Variants in CSMD1 observed in about 807,000 individuals in gnomAD.
CSMD1 encodes CUB and sushi domain-containing protein 1.
CSMD1 carries 213 observed loss-of-function variants against 417.5 expected under a neutral mutation model. That is an observed-to-expected ratio of 0.51 (90% CI 0.46 to 0.57). The LOEUF (loss-of-function observed/expected upper bound fraction) is 0.57. Among genes scored for constraint, CSMD1 ranks in the 20% least tolerant of loss-of-function variants. The pLI, the probability that CSMD1 is intolerant of heterozygous loss-of-function variation, is 0.00. For missense variants in CSMD1, 6,923 were observed against 4,529.7 expected (o/e 1.53, Z -15.17); for synonymous variants, 2,862 against 1,736.8 (o/e 1.65, Z -16.11).
intron 10 of CSMD1, among the ~76,000 whole-genome samples, chr8:3,504,084 A>C (rs1176599409): frequency 6.6e-6 from 1 of 152,144 alleles, no homozygotes; most frequent in African/African-American, 2.4e-5. Context: ...AATAGCAAGA[A>C]AACAGGAATT....
chr8:3,939,875 C>T (rs1055869846), intron 5 of CSMD1, among the ~76,000 whole-genome samples: 19 of 151,878 alleles, frequency 1.3e-4, no homozygotes, highest in African/African-American at 1.7e-4. Flanking sequence ...GGGTAGGAAG[C>T]GGGTGAGGGA....
At chr8:2,939,317 GC>G (rs1801704717) in intron 69 of CSMD1, among the ~76,000 whole-genome samples, 1 of 152,182 alleles carries the variant, frequency 6.6e-6, no homozygotes, top group African/African-American at 2.4e-5. Context: ...TCAAGTTTAA[GC>G]TTTTAGTTCA....
intron 3 of CSMD1, among the ~76,000 whole-genome samples, chr8:4,353,031 T>A (rs1421117880): frequency 2.0e-5 from 3 of 152,164 alleles, no homozygotes; most frequent in Non-Finnish European, 4.4e-5. Context: ...ATTTCCTGAG[T>A]CTTAATATAT....
At chr8:4,083,792 A>G (rs1376097630) in intron 3 of CSMD1, among the ~76,000 whole-genome samples, 1 of 152,204 alleles carries the variant, frequency 6.6e-6, no homozygotes, top group Non-Finnish European at 1.5e-5. Context: ...CAAGGACTTC[A>G]TGTCTATAAC....
intron 2 of CSMD1, among the ~76,000 whole-genome samples, chr8:4,458,666 T>TG (rs560246717): frequency 6.6e-6 from 1 of 152,340 alleles, no homozygotes; most frequent in Admixed American, 6.5e-5. Flanking sequence ...CAAAGGTCCT[T>TG]GTCTGAAACT....
At chr8:4,836,308 A>T (rs952313535) in intron 1 of CSMD1, among the ~76,000 whole-genome samples, 8 of 152,288 alleles carry the variant, frequency 5.3e-5, no homozygotes, top group Admixed American at 3.9e-4. Context: ...GATGTTAATT[A>T]ACACACTTTA....
At chr8:3,453,411 C>G (rs940866051) in intron 12 of CSMD1, among the ~76,000 whole-genome samples, 2 of 152,006 alleles carry the variant, frequency 1.3e-5, no homozygotes, top group African/African-American at 2.4e-5. Flanking sequence ...GTTAGGATGT[C>G]AATTTTAGAT....
intron 9 of CSMD1, among the ~76,000 whole-genome samples, chr8:3,580,889 A>G (rs1381179004): frequency 6.6e-6 from 1 of 152,214 alleles, no homozygotes; most frequent in Non-Finnish European, 1.5e-5. Context: ...AAAAGCTGTA[A>G]AAGTTTTTGG....
intron 3 of CSMD1, among the ~76,000 whole-genome samples, chr8:4,175,362 A>T (rs1265658439): frequency 2.0e-5 from 3 of 152,138 alleles, no homozygotes; most frequent in African/African-American, 7.2e-5. Context: ...ACTTTTTAAC[A>T]GTGTTGGGCT....
chr8:4,246,892 C>A (rs1802746780), intron 3 of CSMD1, among the ~76,000 whole-genome samples: 2 of 152,056 alleles, frequency 1.3e-5, no homozygotes, highest in Non-Finnish European at 2.9e-5. Flanking sequence ...AACACTTTTT[C>A]CGTGCATAAA....
At chr8:4,429,353 T>C (rs1310118790) in intron 2 of CSMD1, among the ~76,000 whole-genome samples, 2 of 152,084 alleles carry the variant, frequency 1.3e-5, no homozygotes, top group Non-Finnish European at 2.9e-5. Flanking sequence ...TATACATAGA[T>C]ATACACACAT....
intron 52 of CSMD1, among the ~76,000 whole-genome samples, chr8:3,007,747 A>T (rs1295901913): frequency 1.5e-5 from 2 of 137,022 alleles, no homozygotes; most frequent in Admixed American, 8.3e-5. Context: ...CAGGAAGGGG[A>T]ACATCACACT....
At position 4,421,144 on chromosome 8, in the gene CSMD1, G is replaced by A. The variant is rs17070249; in HGVS notation, c.303-1079C>T. Among the ~76,000 whole-genome samples the A allele has an allele frequency of 9.8e-4, 102 of 104,212 alleles. 1 individual carries two copies. The East Asian group carries it at 0.02, about 20-fold the overall frequency. 68.4% of individuals were successfully genotyped at this position (104,212 alleles called of 152,430 possible). A position where few individuals can be genotyped will look rare whatever the true frequency, so the allele number is the denominator to read the frequency against. On this transcript the variant is annotated intron_variant, in intron 2 of 69. Coordinates refer to ENST00000635120, the MANE Select transcript of CSMD1 (RefSeq NM_033225.6). ...AGTAAATGACTGATGAATGGAAAAA[G>A]AAACCATTGTCATACCAGAAGACAC...
chr8:4,975,700 G>A (rs191997938), intron 1 of CSMD1, among the ~76,000 whole-genome samples: 2 of 152,192 alleles, frequency 1.3e-5, no homozygotes, highest in East Asian at 1.9e-4. Flanking sequence ...TATTACCATT[G>A]TGAGCTCTTC....
Position 3,708,401 on chromosome 8 carries a change from G to A in CSMD1, c.1009+13C>T, listed in dbSNP as rs767689623. The stretch of plus-strand genomic sequence containing the variant: ...GGCGTATCAATCCTCAGATAGAAAG[G>A]AAAGGGACTCACAGACAGAGTTTTT... On this transcript the variant is annotated intron_variant, in intron 7 of 69. Transcript: ENST00000635120. The A allele has an allele frequency of 1.2e-6, 2 of 1,611,878 alleles. No homozygotes were observed. Among genetic ancestry groups the A allele is most frequent in the African/African-American group, 1.3e-5 (1 of 74,880 alleles).
intron 7 of CSMD1, among the ~76,000 whole-genome samples, chr8:3,631,303 T>A (rs1418828367): frequency 6.6e-6 from 1 of 152,136 alleles, no homozygotes; most frequent in Non-Finnish European, 1.5e-5. Flanking sequence ...TAGCAGCGGA[T>A]TTTCTGTCTG....
chr8:4,709,091 T>C (rs1336008687), intron 1 of CSMD1, among the ~76,000 whole-genome samples: 1 of 152,180 alleles, frequency 6.6e-6, no homozygotes, highest in East Asian at 1.9e-4. Flanking sequence ...TGCTTCCCAA[T>C]ATGGTAGACT....
At chr8:4,458,383 A>C (rs897355586) in intron 2 of CSMD1, among the ~76,000 whole-genome samples, 1 of 152,154 alleles carries the variant, frequency 6.6e-6, no homozygotes, top group African/African-American at 2.4e-5. Flanking sequence ...ATAAACCTAA[A>C]GTTATTACAA....
At chr8:3,798,640 A>G (rs1800293544) in intron 5 of CSMD1, among the ~76,000 whole-genome samples, 1 of 152,152 alleles carries the variant, frequency 6.6e-6, no homozygotes, top group African/African-American at 2.4e-5. Flanking sequence ...ATGCTATATA[A>G]AAAATACATA....
Sources: gnomAD v4.1 joint callset for allele counts (sites outside exome capture counted in the v4.1 genomes callset) on GRCh38, gnomAD v4.1.1 for gene constraint, MANE v1.5 for transcripts, NCBI Gene and HGNC (gene_info 2026-07-23, HGNC 2026-07-21) for gene names.